COL19A1: variants seen among roughly 807,000 people sequenced by gnomAD.
COL19A1 encodes the protein collagen alpha-1(XIX) chain.
COL19A1 carries 159 observed loss-of-function variants against 190.2 expected under a neutral mutation model. The observed-to-expected ratio is 0.84, with a 90% CI of 0.73 to 0.95. COL19A1 has a LOEUF of 0.95. Among genes scored for constraint, COL19A1 ranks in the 40% least tolerant of loss-of-function variants. The pLI is 0.00. For missense variants in COL19A1, 1,418 were observed against 1,431.9 expected (o/e 0.99, Z 0.16); for synonymous variants, 509 against 458.9 (o/e 1.11, Z -1.39).
intron 34 of COL19A1, among the ~76,000 whole-genome samples, chr6:70,158,971 G>A (rs542892302): frequency 3.0e-4 from 45 of 152,010 alleles, no homozygotes; most frequent in African/African-American, 9.6e-4. Flanking sequence ...TTTTACTACA[G>A]AATTTCAGCT....
intron 49 of COL19A1, among the ~76,000 whole-genome samples, chr6:70,202,065 G>A (rs1240088083): frequency 2.0e-5 from 3 of 152,142 alleles, no homozygotes; most frequent in Admixed American, 6.5e-5. Context: ...CGCAAACCTC[G>A]GATGCTGTTG....
chr6:70,033,430 T>C (rs1779177287), intron 12 of COL19A1, among the ~76,000 whole-genome samples: 2 of 152,052 alleles, frequency 1.3e-5, no homozygotes, highest in South Asian at 4.1e-4. Context: ...TGTGTTAAAC[T>C]AAGGAAAAAA....
At chr6:69,994,301 TGAGA>T (rs1447319730) in intron 11 of COL19A1, among the ~76,000 whole-genome samples, 1 of 152,076 alleles carries the variant, frequency 6.6e-6, no homozygotes, top group Non-Finnish European at 1.5e-5. Context: ...TCTAATTGAG[TGAGA>T]ATTTTTAGAA....
At chr6:69,932,613 G>C (rs1772851386) in intron 6 of COL19A1, among the ~76,000 whole-genome samples, 170 bp from the exon 7 acceptor site, 1 of 151,832 alleles carries the variant, frequency 6.6e-6, no homozygotes, top group Non-Finnish European at 1.5e-5. Flanking sequence ...TGTCTCTCAA[G>C]TAGTCCACAA....
chr6:70,038,281 T>C (rs2150120504), intron 14 of COL19A1, among the ~76,000 whole-genome samples: 1 of 152,336 alleles, frequency 6.6e-6, no homozygotes, highest in South Asian at 2.1e-4. Flanking sequence ...TAACCAATAT[T>C]GGGGCTCCAC....
intron 2 of COL19A1, among the ~76,000 whole-genome samples, chr6:69,897,006 A>G (rs1057374489): frequency 3.9e-5 from 6 of 152,020 alleles, no homozygotes; most frequent in African/African-American, 1.2e-4. Flanking sequence ...CAACTTAGCA[A>G]TCTCTTCTTT....
At chr6:70,150,838 G>C (rs1369070031) in intron 30 of COL19A1, among the ~76,000 whole-genome samples, 1 of 152,044 alleles carries the variant, frequency 6.6e-6, no homozygotes, top group Admixed American at 6.6e-5. Flanking sequence ...ATGTTACTTG[G>C]GTTTACACCG....
At chr6:70,088,756 T>C (rs950612215) in intron 15 of COL19A1, among the ~76,000 whole-genome samples, 2 of 152,182 alleles carry the variant, frequency 1.3e-5, no homozygotes, top group African/African-American at 4.8e-5. Flanking sequence ...GATCTGTGTA[T>C]AATTTTTCTC....
At chr6:70,140,691 T>G (rs1405027028) in intron 19 of COL19A1, among the ~76,000 whole-genome samples, 2 of 152,112 alleles carry the variant, frequency 1.3e-5, no homozygotes, top group Admixed American at 6.6e-5. Flanking sequence ...TGGGCAGCAT[T>G]CCAATTTGTC....
chr6:70,149,989 C>T lies in COL19A1; in HGVS notation c.1984-3C>T, dbSNP rs932536499. On this transcript the variant is annotated splice_polypyrimidine_tract_variant and splice_region_variant and intron_variant, in intron 29 of 50. Coordinates refer to ENST00000620364, the MANE Select transcript of COL19A1 (RefSeq NM_001858.6). The stretch of plus-strand genomic sequence containing the variant: ...GATTGAACATGGATACCTCTGTTTT[C>T]AGGGAGTTCCAGGGAGAGATGGAAA... 3.7e-6 allele frequency: 6 copies of T among 1,613,616 alleles called. No individual in the cohort carries two copies. The highest frequency in any genetic ancestry group is 1.7e-5 in the Admixed American group (1 of 59,946).
At chr6:70,027,791 G>T (rs1454638500) in intron 12 of COL19A1, among the ~76,000 whole-genome samples, 1 of 151,702 alleles carries the variant, frequency 6.6e-6, no homozygotes. Flanking sequence ...TTTGATTGTG[G>T]CCTAATACAA....
intron 37 of COL19A1, among the ~76,000 whole-genome samples, chr6:70,167,820 C>G (rs1406406308): frequency 2.0e-5 from 3 of 152,114 alleles, no homozygotes; most frequent in African/African-American, 7.2e-5. Flanking sequence ...AGCTCACACT[C>G]CCTTTTCATT....
intron 2 of COL19A1, among the ~76,000 whole-genome samples, chr6:69,891,725 T>C (rs1479818072): frequency 2.6e-5 from 4 of 152,120 alleles, no homozygotes. Flanking sequence ...TCCTCCAAAC[T>C]GTCAGTAGCT....
intron 48 of COL19A1, among the ~76,000 whole-genome samples, chr6:70,195,641 A>G (rs1767151846): frequency 6.6e-6 from 1 of 152,188 alleles, no homozygotes; most frequent in Admixed American, 6.5e-5. Flanking sequence ...GCCTAGCTGT[A>G]TAGAGAAAGG....
At chr6:70,022,156 C>A (rs551258234) in intron 11 of COL19A1, among the ~76,000 whole-genome samples, 18 of 151,892 alleles carry the variant, frequency 1.2e-4, no homozygotes, top group African/African-American at 4.1e-4. Flanking sequence ...TGATAATGTT[C>A]ATTGTAGGAA....
chr6:69,909,762 C>T (rs1011490294), intron 4 of COL19A1, among the ~76,000 whole-genome samples: 4 of 152,118 alleles, frequency 2.6e-5, no homozygotes, highest in South Asian at 2.1e-4. Context: ...AACTGATATA[C>T]GATTTTCCCC....
At chr6:69,959,217 C>T (rs1043744740) in intron 9 of COL19A1, among the ~76,000 whole-genome samples, 2 of 152,026 alleles carry the variant, frequency 1.3e-5, no homozygotes. Context: ...GTCTTTTTAC[C>T]CAAGACAGAA....
At chr6:70,148,416 C>T (rs932473036) in intron 27 of COL19A1, among the ~76,000 whole-genome samples, 15 of 152,088 alleles carry the variant, frequency 9.9e-5, no homozygotes, top group African/African-American at 2.7e-4. Context: ...AAGGAATTTA[C>T]GAGGGTTTTA....
chr6:70,103,933 A>G (rs1783794029), intron 16 of COL19A1, among the ~76,000 whole-genome samples: 1 of 152,168 alleles, frequency 6.6e-6, no homozygotes, highest in South Asian at 2.1e-4. Context: ...TATATTTTGT[A>G]GACGAAAAAA....
Sources: allele counts gnomAD v4.1 joint callset (sites outside exome capture counted in the v4.1 genomes callset), GRCh38; gene constraint gnomAD v4.1.1; transcripts MANE v1.5; gene names NCBI Gene and HGNC (gene_info 2026-07-23, HGNC 2026-07-21).